Variants in SH3RF3 observed in about 807,000 individuals in gnomAD.
SH3RF3 encodes E3 ubiquitin-protein ligase SH3RF3.
Under a neutral mutation model 66.3 loss-of-function variants are expected in SH3RF3, and 29 were observed. The observed-to-expected ratio is 0.44, with a 90% CI of 0.33 to 0.60. The LOEUF (loss-of-function observed/expected upper bound fraction) is 0.60, where lower values mean the gene tolerates loss of function less well. Among genes scored for constraint, SH3RF3 ranks in the 20% least tolerant of loss-of-function variants. The pLI, the probability that SH3RF3 is intolerant of heterozygous loss-of-function variation, is 0.04. For missense variants in SH3RF3, 1,194 were observed against 1,190.9 expected (o/e 1.00, Z -0.04); for synonymous variants, 583 against 532.0 (o/e 1.10, Z -1.32).
chr2:109,206,295 C>T (rs1678835561), intron 1 of SH3RF3, among the ~76,000 whole-genome samples: 1 of 151,698 alleles, frequency 6.6e-6, no homozygotes, highest in Non-Finnish European at 1.5e-5. Flanking sequence ...TTGAGACCAT[C>T]CTGGCTAACA....
At chr2:109,388,339 C>T (rs531121625) in intron 3 of SH3RF3, among the ~76,000 whole-genome samples, 1 of 152,286 alleles carries the variant, frequency 6.6e-6, no homozygotes, top group Non-Finnish European at 1.5e-5. Flanking sequence ...ACATGGAACA[C>T]ATCCTAAAGA....
intron 8 of SH3RF3, among the ~76,000 whole-genome samples, chr2:109,483,341 G>A (rs543998849): frequency 6.6e-6 from 1 of 152,270 alleles, no homozygotes; most frequent in Admixed American, 6.5e-5. Flanking sequence ...CCCCAGTGGT[G>A]CCTCTCACAT....
At chr2:109,450,377 G>A (rs1677834307) in intron 8 of SH3RF3, among the ~76,000 whole-genome samples, 1 of 150,770 alleles carries the variant, frequency 6.6e-6, no homozygotes. Flanking sequence ...AAGAAAATCT[G>A]AGTCCAAGAA....
chr2:109,236,862 A>C (rs1679662008), intron 1 of SH3RF3, among the ~76,000 whole-genome samples: 1 of 152,206 alleles, frequency 6.6e-6, no homozygotes. Context: ...TCCGGCTGTG[A>C]AACGCTGCAG....
In SH3RF3 at chr2:109,301,335, C is replaced by CGT. The variant is rs10611024; in HGVS notation, c.574-46322_574-46321dup. On this transcript the variant is annotated intron_variant, in intron 1 of 9. Transcript: ENST00000309415. Reference sequence around the variant, plus strand: ...GGGGGCGGGCTGTGTATCTGTGTGACGTGTGTGTGTGTGTGTGTTTGTGTA... The same window carrying CGT: ...GGGGGCGGGCTGTGTATCTGTGTGACGTGTGTGTGTGTGTGTGTGTTTGTGTA... Among the ~76,000 whole-genome samples, 76 of 132,104 alleles carry CGT rather than the reference C, an allele frequency of 5.8e-4. 2 individuals carry two copies. The Middle Eastern group carries it at 0.019, about 32-fold the overall frequency. The allele number at this position is 132,104 out of a possible 152,430, so 86.7% of individuals were successfully genotyped here. A position where few individuals can be genotyped will look rare whatever the true frequency, so the allele number is the denominator to read the frequency against.
At chr2:109,269,908 C>T (rs1232918109) in intron 1 of SH3RF3, among the ~76,000 whole-genome samples, 1 of 152,216 alleles carries the variant, frequency 6.6e-6, no homozygotes, top group Non-Finnish European at 1.5e-5. Context: ...CTCATCCCCT[C>T]CCAGGAAAGC....
At chr2:109,203,533 G>A (rs1678735336) in intron 1 of SH3RF3, among the ~76,000 whole-genome samples, 1 of 152,130 alleles carries the variant, frequency 6.6e-6, no homozygotes, top group South Asian at 2.1e-4. Flanking sequence ...CTGATCCCAG[G>A]GCATGCATTT....
chr2:109,416,781 C>T (rs1237368421), intron 4 of SH3RF3, among the ~76,000 whole-genome samples: 5 of 151,784 alleles, frequency 3.3e-5, no homozygotes, highest in Non-Finnish European at 7.4e-5. Flanking sequence ...TATTGTGCAA[C>T]TGTAATCCCG....
chr2:109,384,000 A>C (rs187566210), intron 3 of SH3RF3, among the ~76,000 whole-genome samples: 52 of 152,266 alleles, frequency 3.4e-4, no homozygotes, highest in Middle Eastern at 3.4e-3. Context: ...GGCCCCTCAC[A>C]AATGAAGGCA....
At chr2:109,487,579 A>G (rs1014828415) in intron 8 of SH3RF3, among the ~76,000 whole-genome samples, 1 of 152,214 alleles carries the variant, frequency 6.6e-6, no homozygotes, top group African/African-American at 2.4e-5. Context: ...AAAATTATCC[A>G]TCACATTTAC....
chr2:109,262,110 C>T (rs1324786092), intron 1 of SH3RF3, among the ~76,000 whole-genome samples: 1 of 152,178 alleles, frequency 6.6e-6, no homozygotes, highest in Non-Finnish European at 1.5e-5. Context: ...CCCTCGGCCT[C>T]AGGGCAGGAA....
At chr2:109,249,467 C>CTCTTTCCTTCTTTCTT (rs1553491141) in intron 1 of SH3RF3, among the ~76,000 whole-genome samples, 1 of 99,290 alleles carries the variant, frequency 1.0e-5, no homozygotes, top group Admixed American at 1.1e-4. Context: ...TTCTCTCTTT[C>CTCTTTCCTTCTTTCTT]TCTTTCTTTC....
intron 8 of SH3RF3, among the ~76,000 whole-genome samples, chr2:109,453,954 G>C (rs1423922538): frequency 6.6e-6 from 1 of 152,238 alleles, no homozygotes; most frequent in African/African-American, 2.4e-5. Flanking sequence ...GCAGCCCTGG[G>C]AGGGCCTCGT....
At chr2:109,423,633 C>G (rs916605503) in intron 5 of SH3RF3, among the ~76,000 whole-genome samples, 2 of 152,190 alleles carry the variant, frequency 1.3e-5, no homozygotes, top group Admixed American at 1.3e-4. Flanking sequence ...GAACGAAGGC[C>G]TGGATCAGCG....
intron 4 of SH3RF3, 72 bp from the exon 5 acceptor site, chr2:109,419,467 C>T: frequency 6.8e-7 from 1 of 1,466,104 alleles, no homozygotes; most frequent in South Asian, 1.2e-5. Context: ...GATGCAGCCT[C>T]ATTTTGCTTT....
At chr2:109,211,357 A>ATT (rs751656278) in intron 1 of SH3RF3, among the ~76,000 whole-genome samples, 29 of 152,364 alleles carry the variant, frequency 1.9e-4, no homozygotes, top group Non-Finnish European at 4.1e-4. Context: ...GTAAACAGCA[A>ATT]TTTAATGAAA....
chr2:109,446,883 C>T (rs151186209), intron 7 of SH3RF3, among the ~76,000 whole-genome samples: 90 of 152,246 alleles, frequency 5.9e-4, no homozygotes, highest in Non-Finnish European at 1.1e-3. Context: ...GCAGTCCCAA[C>T]GCCGAGGGCC....
At position 109,164,335 on chromosome 2, in the gene SH3RF3, G is replaced by T. The variant is rs76901861; in HGVS notation, c.573+34222G>T. Among the ~76,000 whole-genome samples, 1,009 of 152,178 alleles carry T rather than the reference G, an allele frequency of 6.6e-3. 11 individuals are homozygous for T. Among genetic ancestry groups the T allele is most frequent in the African/African-American group, 0.023 (946 of 41,502 alleles). On this transcript the variant is annotated intron_variant, in intron 1 of 9. Transcript: ENST00000309415. ...AGTAGCTAGGACTACAGCACAGGCT[G>T]CAACCCCTGGCTAATTTTTAAAAAT...
chr2:109,182,834 T>G (rs1199661949), intron 1 of SH3RF3, among the ~76,000 whole-genome samples: 2 of 152,254 alleles, frequency 1.3e-5, no homozygotes, highest in Non-Finnish European at 2.9e-5. Context: ...CTCAACTGCC[T>G]GTTTCTAATA....
Sources: gnomAD v4.1 joint callset for allele counts (sites outside exome capture counted in the v4.1 genomes callset) on GRCh38, gnomAD v4.1.1 for gene constraint, MANE v1.5 for transcripts, NCBI Gene and HGNC (gene_info 2026-07-23, HGNC 2026-07-21) for gene names.